GRIN2D: variants seen among roughly 807,000 people sequenced by gnomAD.
GRIN2D encodes the protein glutamate ionotropic receptor NMDA type subunit 2D.
A neutral mutation model predicts 103.2 loss-of-function variants in GRIN2D; 37 were observed. The ratio of observed to expected loss-of-function variants is 0.36; its 90% CI spans 0.28 to 0.47. The LOEUF (loss-of-function observed/expected upper bound fraction) is 0.47, where lower values mean the gene tolerates loss of function less well. Among genes scored for constraint, GRIN2D ranks in the 20% least tolerant of loss-of-function variants. The probability of loss-of-function intolerance (pLI) is 1.00; values close to 1 mark genes in which losing one functional copy is unlikely to be tolerated. For synonymous variants in GRIN2D, 845 were observed against 885.6 expected (o/e 0.95, Z 0.81); for missense variants, 1,557 against 1,910.6 (o/e 0.81, Z 3.45).
chr19:48,424,431 C>T (rs1458518449), intron 11 of GRIN2D, among the ~76,000 whole-genome samples: 1 of 151,142 alleles, frequency 6.6e-6, no homozygotes, highest in South Asian at 2.1e-4. Flanking sequence ...CCACCACGCC[C>T]AGCTAATTTT....
chr19:48,402,096 A>G (rs1453494643), intron 3 of GRIN2D, among the ~76,000 whole-genome samples: 9 of 146,490 alleles, frequency 6.1e-5, no homozygotes, highest in Non-Finnish European at 1.2e-4. Flanking sequence ...CGAAACTTGA[A>G]AGAAAGAGAG....
chr19:48,405,252 C>T lies in GRIN2D; in HGVS notation c.984C>T (p.Ala328=), dbSNP rs371224179. The change falls in exon 4 of 14, where the codon GCC becomes GCT. Residue 328 remains alanine (A), a synonymous_variant. Coordinates refer to ENST00000263269, the MANE Select transcript of GRIN2D (RefSeq NM_000836.4). This position sits in a 1 kb window ranked among gnomAD's most constrained non-coding sequence, Gnocchi z 5.1. ...RRVAAGVAVV[A]RGAQALLRDY... Reference sequence around the variant, plus strand: ...TGGCAGCTGGCGTGGCCGTAGTGGCCAGAGGTGCCCAGGCCCTGCTGCGTG... The same window carrying T: ...TGGCAGCTGGCGTGGCCGTAGTGGCTAGAGGTGCCCAGGCCCTGCTGCGTG... 1.9e-6 allele frequency: 3 copies of T among 1,598,446 alleles called. No individual in the cohort carries two copies. The East Asian group carries it at 6.7e-5, about 36-fold the overall frequency.
chr19:48,397,033 A>G (rs1488272051), intron 2 of GRIN2D, among the ~76,000 whole-genome samples: 2 of 152,120 alleles, frequency 1.3e-5, no homozygotes, highest in Non-Finnish European at 1.5e-5. Context: ...GGGCACAGGA[A>G]GAGAGGCTGT....
chr19:48,432,846 A>C, intron 11 of GRIN2D, among the ~76,000 whole-genome samples: 1 of 148,036 alleles, frequency 6.8e-6, no homozygotes, highest in South Asian at 2.1e-4. Context: ...GCTGGAGTGC[A>C]GTGGCACGAT....
chr19:48,427,145 C>CT (rs1185666729), intron 11 of GRIN2D, among the ~76,000 whole-genome samples: 4 of 151,952 alleles, frequency 2.6e-5, no homozygotes, highest in African/African-American at 7.2e-5. Flanking sequence ...CATGGCGAAA[C>CT]CCTGTCTCTA....
chr19:48,428,373 T>C, intron 11 of GRIN2D, among the ~76,000 whole-genome samples: 1 of 147,286 alleles, frequency 6.8e-6, no homozygotes, highest in African/African-American at 2.5e-5. Flanking sequence ...TTTTTTTTTT[T>C]AATTGAGACG....
At chr19:48,428,095 G>C (rs1971109490) in intron 11 of GRIN2D, among the ~76,000 whole-genome samples, 1 of 147,310 alleles carries the variant, frequency 6.8e-6, no homozygotes, top group African/African-American at 2.5e-5. Context: ...GGAGTGCAGT[G>C]ACATGATCTC....
chr19:48,435,979 G>A (rs1288077285), intron 11 of GRIN2D, among the ~76,000 whole-genome samples: 1 of 152,248 alleles, frequency 6.6e-6, no homozygotes, highest in Non-Finnish European at 1.5e-5. Context: ...TGGGGCGGGA[G>A]ACTGGAGGTT....
In GRIN2D at chr19:48,442,101, G is replaced by A; in HGVS notation, c.2441-49G>A. ...CTACATTCCCACATCACAGACAAGG[G>A]TCCTCAGAGGGTACTCATAGCAGGT... is the stretch of plus-strand genomic sequence containing the variant. On this transcript the variant is annotated intron_variant, in intron 12 of 13. Coordinates refer to ENST00000263269, the MANE Select transcript of GRIN2D (RefSeq NM_000836.4). This position sits in a 1 kb window ranked among gnomAD's most constrained non-coding sequence, Gnocchi z 7.2. 1.3e-6 allele frequency: 2 copies of A among 1,563,584 alleles called. No homozygotes were observed. The highest frequency in any genetic ancestry group is 1.8e-6 in the Non-Finnish European group (2 of 1,136,544).
chr19:48,415,647 G>T (rs1294618124), intron 7 of GRIN2D, among the ~76,000 whole-genome samples: 1 of 124,262 alleles, frequency 8.0e-6, no homozygotes, highest in Non-Finnish European at 1.7e-5. Context: ...ACTCCTAGGG[G>T]AAGGGGGCGG....
chr19:48,443,013 G>A lies in GRIN2D; in HGVS notation c.3087G>A (p.Ser1029=), dbSNP rs1411859162. ...CCGGCGCCTTCCCCGGCTTCCCGTC[G>A]CCGCCCGCGCCCCCCGCCGCCGCGG... is the stretch of plus-strand genomic sequence containing the variant. ...PPAGAFPGFP[S]PPAPPAAAAT... The change falls in exon 14 of 14, where the codon TCG becomes TCA. Residue 1029 remains serine (S), a synonymous_variant. Coordinates refer to ENST00000263269, the MANE Select transcript of GRIN2D (RefSeq NM_000836.4). This position sits in a 1 kb window ranked among gnomAD's most constrained non-coding sequence, Gnocchi z 8.9. 2 of 1,063,800 alleles carry A rather than the reference G, an allele frequency of 1.9e-6. No homozygotes were observed. The highest frequency in any genetic ancestry group is 2.3e-6 in the Non-Finnish European group (2 of 883,322). 65.9% of individuals were successfully genotyped at this position (1,063,800 alleles called of 1,614,324 possible). A position where few individuals can be genotyped will look rare whatever the true frequency, so the allele number is the denominator to read the frequency against.
At chr19:48,396,867 G>A (rs1569056765) in intron 2 of GRIN2D, among the ~76,000 whole-genome samples, 1 of 152,010 alleles carries the variant, frequency 6.6e-6, no homozygotes, top group South Asian at 2.1e-4. Flanking sequence ...TTCCTTGTCT[G>A]GACCCTCACC....
At chr19:48,419,384 C>G in intron 9 of GRIN2D, 25 bp downstream of exon 9, 3 of 1,585,398 alleles carry the variant, frequency 1.9e-6, no homozygotes, top group South Asian at 1.1e-5. Context: ...CTCCATCCCC[C>G]GCCTCGGAGA....
Position 48,421,757 on chromosome 19 carries a change from G to T in GRIN2D, c.2092-28G>T. 1.2e-6 allele frequency: 2 copies of T among 1,604,022 alleles called. 1 individual carries two copies. The highest frequency in any genetic ancestry group is 2.2e-5 in the South Asian group (2 of 90,740). On this transcript the variant is annotated intron_variant, in intron 10 of 13. Coordinates refer to ENST00000263269, the MANE Select transcript of GRIN2D (RefSeq NM_000836.4). The surrounding 1 kb of genome is among the most constrained non-coding windows in gnomAD (Gnocchi z 4.8). The stretch of plus-strand genomic sequence containing the variant: ...TGTTAGGGATGTCCCTGCGGAGGGT[G>T]CCCTAATCACTCCCCATTCTGCCCC...
intron 11 of GRIN2D, among the ~76,000 whole-genome samples, chr19:48,426,858 T>A (rs1971093429): frequency 6.6e-6 from 1 of 151,766 alleles, no homozygotes; most frequent in African/African-American, 2.4e-5. Flanking sequence ...GTGCTGGGAT[T>A]ACAGGCGTGA....
intron 7 of GRIN2D, among the ~76,000 whole-genome samples, 186 bp from the exon 8 acceptor site, chr19:48,415,815 AT>A (rs1054848415): frequency 3.3e-5 from 5 of 151,684 alleles, no homozygotes; most frequent in African/African-American, 1.2e-4. Flanking sequence ...CTTGTTCCCC[AT>A]TTCTCACCTC....
Position 48,442,723 on chromosome 19 carries a change from G to C in GRIN2D, c.2797G>C (p.Val933Leu). ...PRPAPGPAPF[V>L]PRERASVDRW... ...GCCGGCTCCCGGGCCCGCACCTTTC[G>C]TGCCCCGCGAGCGCGCCTCAGTGGA... The change falls in exon 14 of 14, where the codon GTG (valine) becomes CTG (leucine). Residue 933 changes from valine to leucine, a missense_variant. Coordinates refer to ENST00000263269, the MANE Select transcript of GRIN2D (RefSeq NM_000836.4). The surrounding 1 kb of genome is among the most constrained non-coding windows in gnomAD (Gnocchi z 7.2). The C allele has an allele frequency of 8.9e-7, 1 of 1,121,986 alleles. No individual in the cohort carries two copies. The highest frequency in any genetic ancestry group is 1.1e-6 in the Non-Finnish European group (1 of 917,110). The allele number at this position is 1,121,986 out of a possible 1,614,324, so 69.5% of individuals were successfully genotyped here. A position where few individuals can be genotyped will look rare whatever the true frequency, so the allele number is the denominator to read the frequency against.
At chr19:48,427,644 A>G (rs1971104263) in intron 11 of GRIN2D, among the ~76,000 whole-genome samples, 2 of 149,556 alleles carry the variant, frequency 1.3e-5, no homozygotes, top group Non-Finnish European at 3.0e-5. Flanking sequence ...ATGCCCGGGT[A>G]ATTTTTGTAT....
chr19:48,427,639 C>CG (rs1971104163), intron 11 of GRIN2D, among the ~76,000 whole-genome samples: 1 of 150,976 alleles, frequency 6.6e-6, no homozygotes, highest in African/African-American at 2.4e-5. Context: ...CCACTATGCC[C>CG]GGGTAATTTT....
Sources: allele counts gnomAD v4.1 joint callset (sites outside exome capture counted in the v4.1 genomes callset), GRCh38; gene constraint gnomAD v4.1.1; non-coding constraint Gnocchi (gnomAD v3.1); transcripts MANE v1.5; gene names NCBI Gene and HGNC (gene_info 2026-07-23, HGNC 2026-07-21).